The following VTI1A variants were observed in gnomAD, a reference collection of about 807,000 sequenced individuals.
VTI1A encodes the protein vesicle transport through interaction with t-SNAREs homolog 1A.
A neutral mutation model predicts 34.9 loss-of-function variants in VTI1A; 22 were observed. The ratio of observed to expected loss-of-function variants is 0.63; its 90% confidence interval spans 0.45 to 0.90. The LOEUF is 0.90. Among genes scored for constraint, VTI1A ranks in the 40% least tolerant of loss-of-function variants. The pLI, the probability that VTI1A is intolerant of heterozygous loss-of-function variation, is 0.00. For synonymous variants in VTI1A, 87 were observed against 97.3 expected (o/e 0.89, Z 0.62); for missense variants, 268 against 275.6 (o/e 0.97, Z 0.20).
intron 7 of VTI1A, among the ~76,000 whole-genome samples, chr10:112,688,423 A>G (rs1848501012): frequency 6.7e-6 from 1 of 150,286 alleles, no homozygotes; most frequent in Non-Finnish European, 1.5e-5. Flanking sequence ...ATCTGTTGAC[A>G]TTTTTCTTCA....
At chr10:112,456,638 C>A (rs1270464537) in intron 1 of VTI1A, among the ~76,000 whole-genome samples, 3 of 152,050 alleles carry the variant, frequency 2.0e-5, no homozygotes, top group African/African-American at 7.2e-5. Context: ...ATCTGTTGCA[C>A]CCAGCAGCTT....
At chr10:112,696,252 G>T (rs1202110055) in intron 7 of VTI1A, among the ~76,000 whole-genome samples, 1 of 152,100 alleles carries the variant, frequency 6.6e-6, no homozygotes, top group Non-Finnish European at 1.5e-5. Context: ...GGAGCCTTCA[G>T]TGAAATTGAC....
intron 3 of VTI1A, among the ~76,000 whole-genome samples, chr10:112,479,228 A>G (rs948635307): frequency 6.6e-6 from 1 of 152,124 alleles, no homozygotes; most frequent in African/African-American, 2.4e-5. Context: ...GGCCTAATAT[A>G]TACTATATTG....
At chr10:112,623,098 A>G (rs189921262) in intron 5 of VTI1A, among the ~76,000 whole-genome samples, 17 of 152,236 alleles carry the variant, frequency 1.1e-4, no homozygotes. Flanking sequence ...TGCACCTCGT[A>G]TGTTCAGGAT....
At chr10:112,666,975 C>G (rs987926801) in intron 5 of VTI1A, among the ~76,000 whole-genome samples, 1 of 152,018 alleles carries the variant, frequency 6.6e-6, no homozygotes, top group Non-Finnish European at 1.5e-5. Flanking sequence ...AGCCACACAG[C>G]TAGTAAGGGC....
chr10:112,805,902 C>T (rs986358774), intron 7 of VTI1A, among the ~76,000 whole-genome samples: 2 of 152,192 alleles, frequency 1.3e-5, no homozygotes, highest in Non-Finnish European at 2.9e-5. Flanking sequence ...GTTGTTGAAG[C>T]CGCCCAGTCT....
chr10:112,792,016 C>T (rs1852497540), intron 7 of VTI1A, among the ~76,000 whole-genome samples: 1 of 152,154 alleles, frequency 6.6e-6, no homozygotes, highest in Non-Finnish European at 1.5e-5. Flanking sequence ...TGGCTCACGC[C>T]TGTAATCCCA....
chr10:112,680,917 T>C (rs1166900659), intron 7 of VTI1A, among the ~76,000 whole-genome samples: 3 of 152,086 alleles, frequency 2.0e-5, no homozygotes, highest in Non-Finnish European at 4.4e-5. Flanking sequence ...CAAACAGTGG[T>C]GATGGTGTTG....
At chr10:112,600,636 A>G (rs914731553) in intron 5 of VTI1A, among the ~76,000 whole-genome samples, 5 of 152,104 alleles carry the variant, frequency 3.3e-5, no homozygotes, top group African/African-American at 1.2e-4. Context: ...AACTGACCTT[A>G]TAGTCTATAT....
chr10:112,455,495 CTTCT>C (rs1847480693), intron 1 of VTI1A, among the ~76,000 whole-genome samples: 1 of 64,022 alleles, frequency 1.6e-5, no homozygotes, highest in African/African-American at 6.9e-5. Flanking sequence ...TCCCTCCCTC[CTTCT>C]CTCCTTCCTT....
At chr10:112,581,560 C>G (rs1000776514) in intron 5 of VTI1A, among the ~76,000 whole-genome samples, 4 of 152,086 alleles carry the variant, frequency 2.6e-5, no homozygotes, top group African/African-American at 9.7e-5. Flanking sequence ...ATGTGAAATC[C>G]TTATACAATG....
rs192023388 is a variant in VTI1A at position 112,548,949 on chromosome 10, A to G, written c.427+10619A>G. 137 of 698,736 alleles carry G rather than the reference A, an allele frequency of 2.0e-4. No homozygotes were observed. The African/African-American group carries it at 2.3e-3, about 12-fold the overall frequency. The allele number at this position is 698,736 out of a possible 1,614,324, so 43.3% of individuals were successfully genotyped here. ...CTTCTACTTCTACCTCCTCCTCATA[A>G]TTATATCTTTCTTTCTTCTCTTCTT... On this transcript the variant is annotated intron_variant, in intron 5 of 7. Coordinates refer to ENST00000393077, the MANE Select transcript of VTI1A (RefSeq NM_145206.4).
chr10:112,563,078 CAG>C (rs1851783055), intron 5 of VTI1A, among the ~76,000 whole-genome samples: 1 of 152,136 alleles, frequency 6.6e-6, no homozygotes, highest in South Asian at 2.1e-4. Context: ...TGTGGGAAAA[CAG>C]ACTCTCTAAA....
chr10:112,696,094 T>TTTTATATATA (rs1848775842), intron 7 of VTI1A, among the ~76,000 whole-genome samples: 2 of 145,198 alleles, frequency 1.4e-5, no homozygotes, highest in East Asian at 4.0e-4. Context: ...GAGAGAATGA[T>TTTTATATATA]TATATATATA....
intron 5 of VTI1A, among the ~76,000 whole-genome samples, chr10:112,576,859 C>G (rs936984620): frequency 6.6e-6 from 1 of 152,084 alleles, no homozygotes; most frequent in Non-Finnish European, 1.5e-5. Flanking sequence ...ATTACACACA[C>G]CCACACACAC....
At chr10:112,737,880 C>A (rs1005149243) in intron 7 of VTI1A, 2 of 1,061,992 alleles carry the variant, frequency 1.9e-6, no homozygotes, top group Admixed American at 1.1e-4. Flanking sequence ...GCCGTAGGAT[C>A]GATGCCTTTC....
intron 4 of VTI1A, among the ~76,000 whole-genome samples, chr10:112,534,815 G>T (rs1179570748): frequency 1.3e-5 from 2 of 152,134 alleles, no homozygotes; most frequent in African/African-American, 2.4e-5. Flanking sequence ...GCAAGATAGA[G>T]TATGTGCTTG....
At chr10:112,647,364 G>A (rs551147185) in intron 5 of VTI1A, among the ~76,000 whole-genome samples, 1 of 152,314 alleles carries the variant, frequency 6.6e-6, no homozygotes, top group South Asian at 2.1e-4. Flanking sequence ...TGAATCCATA[G>A]ATATAATCAG....
chr10:112,566,184 G>T lies in VTI1A; in HGVS notation c.427+27854G>T, dbSNP rs186124803. ...CTAATGAAAGATATGAAACTTCAAT[G>T]AATCTAAGTAAGAACTGATTTGTTA... On this transcript the variant is annotated intron_variant, in intron 5 of 7. Coordinates refer to ENST00000393077, the MANE Select transcript of VTI1A (RefSeq NM_145206.4). Among the ~76,000 whole-genome samples, 342 of 152,098 alleles carry T rather than the reference G, an allele frequency of 2.2e-3. 1 individual carries two copies. The highest frequency in any genetic ancestry group is 8.0e-3 in the African/African-American group (331 of 41,512).
Sources: gnomAD v4.1 joint callset for allele counts (sites outside exome capture counted in the v4.1 genomes callset) on GRCh38, gnomAD v4.1.1 for gene constraint, MANE v1.5 for transcripts, NCBI Gene and HGNC (gene_info 2026-07-23, HGNC 2026-07-21) for gene names.